The following ATP6V0A4 variants were observed in gnomAD, a reference collection of about 807,000 sequenced individuals.
ATP6V0A4 encodes ATPase H+ transporting V0 subunit a4.
A neutral mutation model predicts 107.3 loss-of-function variants in ATP6V0A4; 86 were observed. That is an observed-to-expected ratio of 0.80 (90% CI 0.67 to 0.96). The LOEUF (loss-of-function observed/expected upper bound fraction) is 0.96. ATP6V0A4 is among the 40% of genes least tolerant of loss of function. The pLI is 0.00. For synonymous variants in ATP6V0A4, 353 were observed against 381.4 expected, an observed-to-expected ratio of 0.93 and a Z score of 0.87; for missense variants, 908 against 1,045.6, an observed-to-expected ratio of 0.87 and a Z score of 1.81.
chr7:138,762,670 C>T (rs1368246968), intron 6 of ATP6V0A4, among the ~76,000 whole-genome samples: 3 of 152,154 alleles, frequency 2.0e-5, no homozygotes. Context: ...TCTCTTTCTG[C>T]CTGAGCCATT....
At chr7:138,768,025 C>G (rs750903309) in intron 5 of ATP6V0A4, among the ~76,000 whole-genome samples, 3 of 152,132 alleles carry the variant, frequency 2.0e-5, no homozygotes, top group Admixed American at 6.6e-5. Context: ...CCTCTGCGTC[C>G]CGGATTCAAG....
In ATP6V0A4 at chr7:138,755,725, C is replaced by A. The variant is rs769889398; in HGVS notation, c.780G>T (p.Leu260Phe). 1.9e-6 allele frequency: 3 copies of A among 1,613,814 alleles called. No homozygotes were observed. The African/African-American group carries it at 4.0e-5, about 22-fold the overall frequency. The change falls in exon 10 of 22, where the codon TTG becomes TTT. Residue 260 changes from leucine to phenylalanine, a missense_variant. Physicochemically the swap from Leu to Phe is conservative, Grantham distance 22. Transcript: ENST00000310018. ...CTTCCAGCCTCACATTGACGCTCTCCAACATCTCTCTGCGCTCCACCGCAG... is the reference window on the plus strand; with the variant it reads ...CTTCCAGCCTCACATTGACGCTCTCAAACATCTCTCTGCGCTCCACCGCAG... ...PEPAVERREMLESVNVRLEDL... is the reference protein window; with the variant it reads ...PEPAVERREMFESVNVRLEDL...
intron 2 of ATP6V0A4, among the ~76,000 whole-genome samples, chr7:138,784,624 T>C (rs1808100550): frequency 6.6e-6 from 1 of 151,942 alleles, no homozygotes; most frequent in African/African-American, 2.4e-5. Flanking sequence ...GGCCTAAACA[T>C]AATATTTTTA....
chr7:138,759,371 A>G (rs541696517), intron 8 of ATP6V0A4, among the ~76,000 whole-genome samples: 1 of 152,128 alleles, frequency 6.6e-6, no homozygotes, highest in South Asian at 2.1e-4. Flanking sequence ...TTGCATTTTA[A>G]CAAGATCCCC....
Position 138,755,693 on chromosome 7 carries a change from A to T in ATP6V0A4, c.812T>A (p.Ile271Asn), listed in dbSNP as rs147475779. 115 of 1,613,738 alleles carry T rather than the reference A, an allele frequency of 7.1e-5. No individual in the cohort carries two copies. Among genetic ancestry groups the T allele is most frequent in the Non-Finnish European group, 8.6e-5 (102 of 1,180,044 alleles). ...GCGCCCAAACCCCTCACTCACGGTG[A>T]TTAAATCTTCCAGCCTCACATTGAC... ...ESVNVRLEDLITVITQTESHR... is the reference protein window; with the variant it reads ...ESVNVRLEDLNTVITQTESHR... Residue 271 changes from isoleucine (I) to asparagine (N), a missense_variant, in exon 10 of 22, where the codon ATC (isoleucine) becomes AAC (asparagine). Physicochemically the swap from Ile to Asn is moderately radical, Grantham distance 149. Transcript: ENST00000310018.
intron 2 of ATP6V0A4, among the ~76,000 whole-genome samples, chr7:138,784,289 TAC>T (rs537165545): frequency 0.014 from 634 of 43,776 alleles, 17 homozygotes; most frequent in African/African-American, 0.033. Context: ...TACATATATA[TAC>T]ACACACACAC....
chr7:138,763,101 T>A (rs1806911428), intron 5 of ATP6V0A4, 76 bp from the exon 6 acceptor site: 13 of 1,580,094 alleles, frequency 8.2e-6, no homozygotes, highest in African/African-American at 1.4e-5. Flanking sequence ...CCACAACAGA[T>A]GACTAAAAAA....
intron 19 of ATP6V0A4, among the ~76,000 whole-genome samples, chr7:138,718,117 G>A (rs1250861581): frequency 2.2e-5 from 1 of 46,428 alleles, no homozygotes. Context: ...GTGCAGTCAC[G>A]GATGTCTGCA....
chr7:138,735,198 A>G (rs1805253525), intron 15 of ATP6V0A4, among the ~76,000 whole-genome samples: 1 of 152,138 alleles, frequency 6.6e-6, no homozygotes, highest in Admixed American at 6.6e-5. Flanking sequence ...GCTAAGGACC[A>G]GAGTCACTAA....
At chr7:138,774,687 T>G in intron 2 of ATP6V0A4, among the ~76,000 whole-genome samples, 1 of 147,570 alleles carries the variant, frequency 6.8e-6, no homozygotes, top group Admixed American at 6.8e-5. Flanking sequence ...ATATAGTATA[T>G]ACACATATGT....
At chr7:138,716,853 T>A (rs3778697) in intron 19 of ATP6V0A4, among the ~76,000 whole-genome samples, 5 of 152,044 alleles carry the variant, frequency 3.3e-5, no homozygotes, top group African/African-American at 1.2e-4. Context: ...TGTGAGCCAC[T>A]GTGCCTGGCC....
Position 138,759,853 on chromosome 7 carries a change from C to T in ATP6V0A4, c.538G>A (p.Glu180Lys). The change falls in exon 8 of 22, where the codon GAG (glutamate) becomes AAG (lysine). Residue 180 changes from glutamate (E) to lysine (K), a missense_variant. Coordinates refer to ENST00000310018, the MANE Select transcript of ATP6V0A4 (RefSeq NM_020632.3). ...LGFIAGVINR[E>K]RMASFERLLW... ...AACCGCTCAAAGGAAGCCATCCTCT[C>T]CCTGTTGATCACACCGGCTATGAAC... is the stretch of plus-strand genomic sequence containing the variant. The T allele has an allele frequency of 1.9e-6, 3 of 1,614,122 alleles. No individual in the cohort carries two copies. Among genetic ancestry groups the T allele is most frequent in the Non-Finnish European group, 2.5e-6 (3 of 1,180,036 alleles).
intron 19 of ATP6V0A4, among the ~76,000 whole-genome samples, chr7:138,718,165 C>T (rs1334005152): frequency 1.2e-5 from 1 of 86,498 alleles, no homozygotes. Flanking sequence ...GATGCAGTCA[C>T]GGATGTCTGT....
chr7:138,793,433 TAC>T (rs1808517013), intron 1 of ATP6V0A4, among the ~76,000 whole-genome samples: 2 of 152,174 alleles, frequency 1.3e-5, no homozygotes, highest in Admixed American at 1.3e-4. Flanking sequence ...TTGACAAAAC[TAC>T]AGGGAAGAAA....
At chr7:138,706,776 G>A (rs572401906) in intron 21 of ATP6V0A4, 59 bp from the exon 22 acceptor site, 1 of 1,604,556 alleles carries the variant, frequency 6.2e-7, no homozygotes, top group Non-Finnish European at 8.5e-7. Context: ...ATCAGTTAGA[G>A]GCTGGAAGGT....
intron 19 of ATP6V0A4, among the ~76,000 whole-genome samples, chr7:138,719,950 G>C (rs1804348712): frequency 6.6e-6 from 1 of 152,004 alleles, no homozygotes; most frequent in African/African-American, 2.4e-5. Context: ...GCTTGAACCT[G>C]GGAGGCAAAG....
At chr7:138,772,385 A>G (rs1187462749) in intron 2 of ATP6V0A4, among the ~76,000 whole-genome samples, 1 of 152,220 alleles carries the variant, frequency 6.6e-6, no homozygotes, top group African/African-American at 2.4e-5. Context: ...GATATAACAG[A>G]GCCCTGTGCA....
intron 19 of ATP6V0A4, among the ~76,000 whole-genome samples, chr7:138,717,993 G>A (rs1341701850): frequency 6.6e-6 from 1 of 151,636 alleles, no homozygotes; most frequent in East Asian, 1.9e-4. Context: ...AGAAGCTAGA[G>A]CAGTCACGCT....
At chr7:138,733,301 G>T in intron 16 of ATP6V0A4, 1 of 409,544 alleles carries the variant, frequency 2.4e-6, no homozygotes, top group Non-Finnish European at 3.3e-6. Context: ...ACTGGAAAGT[G>T]CTTTTGCACA....
Sources: allele counts gnomAD v4.1 joint callset (sites outside exome capture counted in the v4.1 genomes callset), GRCh38; gene constraint gnomAD v4.1.1; transcripts MANE v1.5; gene names NCBI Gene and HGNC (gene_info 2026-07-23, HGNC 2026-07-21).